The following TMEM192 variants were observed in gnomAD, a reference collection of about 807,000 sequenced individuals.
TMEM192 encodes the protein transmembrane protein 192.
In TMEM192, 20 loss-of-function variants were observed where a neutral mutation model predicts 26.7. The ratio of observed to expected loss-of-function variants is 0.75; its 90% CI spans 0.53 to 1.09. TMEM192 has a LOEUF of 1.09. Among genes scored for constraint, TMEM192 ranks in the 50% least tolerant of loss-of-function variants. The pLI, the probability that TMEM192 is intolerant of heterozygous loss-of-function variation, is 0.00. For missense variants in TMEM192, 304 were observed against 322.6 expected (o/e 0.94, Z 0.44); for synonymous variants, 124 against 121.0 (o/e 1.02, Z -0.16).
intron 5 of TMEM192, among the ~76,000 whole-genome samples, chr4:165,080,059 G>T (rs1299547666): frequency 1.3e-5 from 2 of 152,142 alleles, no homozygotes; most frequent in East Asian, 3.9e-4. Flanking sequence ...TATTTAAGAA[G>T]GATCCTAATT....
In TMEM192 at chr4:165,088,390, T is replaced by G. The variant is rs1734674809; in HGVS notation, c.574+78A>C. On this transcript the variant is annotated intron_variant, in intron 4 of 5. Transcript: ENST00000306480. ...GATACACAGAGAACTTCCTTGTCGCTAATGGGCTATACTTTAAACTGGGAG... is the reference window on the plus strand; with the variant it reads ...GATACACAGAGAACTTCCTTGTCGCGAATGGGCTATACTTTAAACTGGGAG... 3 of 1,439,748 alleles carry G rather than the reference T, an allele frequency of 2.1e-6. No homozygotes were observed. In the Admixed American group the frequency reaches 6.2e-5, roughly 30 times the overall value. The allele number at this position is 1,439,748 out of a possible 1,614,324, so 89.2% of individuals were successfully genotyped here.
intron 3 of TMEM192, among the ~76,000 whole-genome samples, chr4:165,097,709 G>A: frequency 6.6e-6 from 1 of 150,810 alleles, no homozygotes; most frequent in African/African-American, 2.4e-5. Flanking sequence ...AAACTCCTGG[G>A]CTCAAGTGGA....
intron 3 of TMEM192, among the ~76,000 whole-genome samples, chr4:165,091,973 T>G (rs1208054745): frequency 1.3e-5 from 2 of 152,142 alleles, no homozygotes; most frequent in African/African-American, 2.4e-5. Context: ...AAAGAATGAT[T>G]AAGAGTATGC....
In TMEM192 at chr4:165,100,807, G is replaced by C. The variant is rs776448890; in HGVS notation, c.260C>G (p.Thr87Arg). ...PNEDKCPGNYTNPLKVQTVII... is the reference protein window; with the variant it reads ...PNEDKCPGNYRNPLKVQTVII... ...AACCGTCTGAACTTTCAATGGGTTT[G>C]TGTAATTTCCTGGGCACTTGTCCTC... Residue 87 changes from threonine to arginine, a missense_variant, in exon 3 of 6, where the codon ACA (threonine) becomes AGA (arginine). Thr to Arg is a moderately conservative substitution (Grantham distance 71). Transcript: ENST00000306480. 6.2e-7 allele frequency: 1 copy of C among 1,614,036 alleles called. No homozygotes were observed. The highest frequency in any genetic ancestry group is 8.5e-7 in the Non-Finnish European group (1 of 1,179,998).
At position 165,072,539 on chromosome 4, in the gene TMEM192, A is replaced by G. The variant is rs1023818200; in HGVS notation, c.*7119T>C. On this transcript the variant is annotated 3_prime_UTR_variant, in exon 6 of 6. Transcript: ENST00000306480. ...GCCACTGCACTCCAGCCTGGGCAAC[A>G]GAGCGAGACTCCCTCCCCCAAAAAA... 3.5e-5 allele frequency: 5 copies of G among 143,576 alleles called. No individual in the cohort carries two copies. Among genetic ancestry groups the G allele is most frequent in the African/African-American group, 1.3e-4 (5 of 39,554 alleles). 8.9% of individuals were successfully genotyped at this position (143,576 alleles called of 1,614,324 possible).
At chr4:165,081,147 G>A (rs2111260302) in intron 5 of TMEM192, among the ~76,000 whole-genome samples, 1 of 151,854 alleles carries the variant, frequency 6.6e-6, no homozygotes, top group African/African-American at 2.4e-5. Context: ...AACTTAATAA[G>A]TTACCTAAAC....
intron 1 of TMEM192, among the ~76,000 whole-genome samples, chr4:165,103,511 ATTTTTTTT>A (rs70952701): frequency 1.1e-5 from 1 of 95,220 alleles, no homozygotes; most frequent in African/African-American, 4.2e-5. Context: ...CACCCAGCTA[ATTTTTTTT>A]TTTTTTTTTT....
intron 3 of TMEM192, among the ~76,000 whole-genome samples, chr4:165,092,696 C>T (rs891270484): frequency 3.9e-5 from 6 of 151,996 alleles, no homozygotes; most frequent in African/African-American, 1.2e-4. Context: ...AGAGGGAAAA[C>T]GCTGTTTTCA....
intron 4 of TMEM192, among the ~76,000 whole-genome samples, chr4:165,086,145 G>T (rs1460206859): frequency 6.6e-6 from 1 of 152,162 alleles, no homozygotes; most frequent in Non-Finnish European, 1.5e-5. Flanking sequence ...ACAAGGAGTT[G>T]TCAAGCTGCT....
chr4:165,080,962 G>A (rs576692693), intron 5 of TMEM192, among the ~76,000 whole-genome samples: 2 of 152,038 alleles, frequency 1.3e-5, no homozygotes, highest in African/African-American at 4.8e-5. Flanking sequence ...TGATCTGCCC[G>A]CCTCAGCTTC....
intron 3 of TMEM192, among the ~76,000 whole-genome samples, chr4:165,099,287 T>G (rs966025495): frequency 2.6e-5 from 4 of 151,314 alleles, no homozygotes; most frequent in Non-Finnish European, 5.9e-5. Flanking sequence ...GGTTTCTCCA[T>G]GTTGCCCAGG....
chr4:165,093,744 C>CT (rs928743653), intron 3 of TMEM192, among the ~76,000 whole-genome samples: 10 of 151,816 alleles, frequency 6.6e-5, no homozygotes, highest in Admixed American at 2.6e-4. Context: ...ATAATGGTGA[C>CT]TTTTTTTTGA....
At chr4:165,112,653 G>A (rs1735322811) in intron 1 of TMEM192, 94 bp downstream of exon 1, 2 of 1,551,790 alleles carry the variant, frequency 1.3e-6, no homozygotes, top group Non-Finnish European at 8.7e-7. Flanking sequence ...CAGTCGCCAA[G>A]GGTGGCTTCC....
In TMEM192 at chr4:165,102,972, A is replaced by C; in HGVS notation, c.152T>G (p.Val51Gly). The C allele has an allele frequency of 6.2e-7, 1 of 1,612,346 alleles. No individual in the cohort carries two copies. Among genetic ancestry groups the C allele is most frequent in the Non-Finnish European group, 8.5e-7 (1 of 1,179,152 alleles). ...RFHPLPTVII[V>G]NLLWFIHLVF... The stretch of plus-strand genomic sequence containing the variant: ...TACATGAATAAACCACAGAAGATTC[A>C]CTATGATGACTGTAGGAAGAGGATG... Residue 51 changes from valine (V) to glycine (G), a missense_variant, in exon 2 of 6, where the codon GTG becomes GGG. Val to Gly is a moderately radical substitution (Grantham distance 109). Transcript: ENST00000306480.
rs752401936 is a variant in TMEM192, at chr4:165,088,437, C to T, written c.574+31G>A. On this transcript the variant is annotated intron_variant, in intron 4 of 5. Transcript: ENST00000306480. The stretch of plus-strand genomic sequence containing the variant: ...GGAGGAAAGGAAGCAGTTCGAAGTT[C>T]CTATAAGAACAGGCTCGTTGTAATT... 1.3e-5 allele frequency: 21 copies of T among 1,595,404 alleles called. No individual in the cohort carries two copies. The East Asian group carries it at 4.7e-4, about 36-fold the overall frequency.
At chr4:165,086,418 CTT>C (rs34384682) in intron 4 of TMEM192, among the ~76,000 whole-genome samples, 70,076 of 123,450 alleles carry the variant, frequency 0.57, 19,049 homozygotes, top group East Asian at 0.7. Flanking sequence ...GGCATTTACA[CTT>C]TTTTTTTTTT....
In TMEM192 at chr4:165,072,326, G is replaced by A. The variant is rs773705231; in HGVS notation, c.*7332C>T. The A allele has an allele frequency of 2.0e-5, 3 of 152,120 alleles. No individual in the cohort carries two copies. The highest frequency in any genetic ancestry group is 1.9e-4 in the East Asian group (1 of 5,192). 9.4% of individuals were successfully genotyped at this position (152,120 alleles called of 1,614,324 possible). On this transcript the variant is annotated 3_prime_UTR_variant, in exon 6 of 6. Coordinates refer to ENST00000306480, the MANE Select transcript of TMEM192 (RefSeq NM_001100389.2). ...TTGCAGCACTTTGGGAGGCCAAGGC[G>A]GGTGGATGACCTGAGGTCCGGAGTT...
chr4:165,092,040 C>T (rs554054878), intron 3 of TMEM192, among the ~76,000 whole-genome samples: 2 of 151,068 alleles, frequency 1.3e-5, no homozygotes, highest in Admixed American at 6.6e-5. Flanking sequence ...TATCTCTGCT[C>T]TTCCATGTCC....
At position 165,088,492 on chromosome 4, in the gene TMEM192, G is replaced by C; in HGVS notation, c.550C>G (p.Leu184Val). The C allele has an allele frequency of 6.2e-7, 1 of 1,613,530 alleles. No homozygotes were observed. Among genetic ancestry groups the C allele is most frequent in the Non-Finnish European group, 8.5e-7 (1 of 1,179,762 alleles). Residue 184 changes from leucine to valine, a missense_variant, in exon 4 of 6, where the codon CTG (leucine) becomes GTG (valine). Transcript: ENST00000306480. ...AILALELICS[L>V]ICLLIYTVKI... is the part of the protein sequence containing the mutation. ...CCTGTGTAAATGAGGAGACATATCA[G>C]GGAACAGATGAGTTCCAGTGCCAAG...
Sources: gnomAD v4.1 joint callset for allele counts (sites outside exome capture counted in the v4.1 genomes callset) on GRCh38, gnomAD v4.1.1 for gene constraint, MANE v1.5 for transcripts, NCBI Gene and HGNC (gene_info 2026-07-23, HGNC 2026-07-21) for gene names.